PCDHA5: variants seen among roughly 807,000 people sequenced by gnomAD.
PCDHA5 encodes protocadherin alpha 5, also known as protocadherin alpha-5.
In PCDHA5, 43 loss-of-function variants were observed where a neutral mutation model predicts 61.6. The ratio of observed to expected loss-of-function variants is 0.70; its 90% confidence interval spans 0.55 to 0.90. The LOEUF is 0.90. Ranked by LOEUF, PCDHA5 falls within the 40% of genes least tolerant of loss-of-function variation. The pLI is 0.00. For synonymous variants in PCDHA5, 627 were observed against 543.9 expected, an observed-to-expected ratio of 1.15 and a Z score of -2.13; for missense variants, 1,298 against 1,222.7, an observed-to-expected ratio of 1.06 and a Z score of -0.92.
chr5:141,006,105 G>T (rs2098255059), intron 3 of PCDHA5, among the ~76,000 whole-genome samples: 1 of 143,364 alleles, frequency 7.0e-6, no homozygotes. Context: ...ATGGTAAGGA[G>T]TTTTTTTTTT....
chr5:140,957,281 T>A (rs1317654133), intron 1 of PCDHA5, among the ~76,000 whole-genome samples: 3 of 152,178 alleles, frequency 2.0e-5, no homozygotes, highest in Non-Finnish European at 2.9e-5. Flanking sequence ...CCCCCTTACC[T>A]GCAGTTTCAC....
At chr5:141,003,423 T>G (rs1278383006) in intron 3 of PCDHA5, among the ~76,000 whole-genome samples, 1 of 152,164 alleles carries the variant, frequency 6.6e-6, no homozygotes, top group Non-Finnish European at 1.5e-5. Context: ...GTGATTCTTA[T>G]GCCTCAGCCT....
chr5:140,875,573 C>A, intron 1 of PCDHA5: 1 of 1,614,112 alleles, frequency 6.2e-7, no homozygotes, highest in Non-Finnish European at 8.5e-7. Context: ...CTCCACTACT[C>A]CGTCTACGAG....
chr5:140,885,053 A>T (rs2060447405), intron 1 of PCDHA5, among the ~76,000 whole-genome samples: 1 of 152,248 alleles, frequency 6.6e-6, no homozygotes, highest in African/African-American at 2.4e-5. Flanking sequence ...ATGTATACAT[A>T]TACCCACAAG....
intron 1 of PCDHA5, chr5:140,828,014 T>C: frequency 6.6e-7 from 1 of 1,509,628 alleles, no homozygotes; most frequent in Non-Finnish European, 8.9e-7. Context: ...AGAAATGGAT[T>C]AATAAATTCC....
intron 1 of PCDHA5, chr5:140,861,171 A>G (rs2046785081): frequency 6.3e-6 from 1 of 158,188 alleles, no homozygotes; most frequent in Non-Finnish European, 1.4e-5. Flanking sequence ...TCTCAGAGGA[A>G]CTAAGTCTTT....
At chr5:140,967,710 G>A (rs868978149) in intron 1 of PCDHA5, 1 of 1,614,182 alleles carries the variant, frequency 6.2e-7, no homozygotes, top group Non-Finnish European at 8.5e-7. Flanking sequence ...GCCAGTACCG[G>A]GGAAGTGCGA....
chr5:140,850,675 C>A (rs2150493362), intron 1 of PCDHA5: 3 of 1,598,470 alleles, frequency 1.9e-6, no homozygotes, highest in Non-Finnish European at 2.6e-6. Context: ...TCGGCGATGC[C>A]CACCGAGGGC....
At chr5:140,966,454 C>T (rs897696652) in intron 1 of PCDHA5, 6 of 426,406 alleles carry the variant, frequency 1.4e-5, no homozygotes, top group Admixed American at 4.4e-5. Flanking sequence ...TCCCCCTCCC[C>T]CTCTGTCTTC....
rs2042039547 is a variant in PCDHA5 at position 140,851,365 on chromosome 5, CT to C, written c.2352+27239del. The C allele has an allele frequency of 3.1e-6, 3 of 976,302 alleles. 1 individual carries two copies. Among genetic ancestry groups the C allele is most frequent in the Non-Finnish European group, 3.7e-6 (3 of 804,962 alleles). The allele number at this position is 976,302 out of a possible 1,614,324, so 60.5% of individuals were successfully genotyped here. On this transcript the variant is annotated intron_variant, in intron 1 of 3. Transcript: ENST00000529859. Reference sequence around the variant, plus strand: ...TTCTCTGGATGGAGACTGTGAACATCTGATTGTTCAGCAACCTTCAGTATCT... The same window carrying C: ...TTCTCTGGATGGAGACTGTGAACATCGATTGTTCAGCAACCTTCAGTATCT...
At chr5:140,886,631 G>T (rs1314948402) in intron 1 of PCDHA5, among the ~76,000 whole-genome samples, 1 of 151,860 alleles carries the variant, frequency 6.6e-6, no homozygotes. Context: ...TCCGAGACCA[G>T]CCTGGCCAAC....
intron 2 of PCDHA5, among the ~76,000 whole-genome samples, chr5:140,980,460 T>G (rs1554241839): frequency 6.6e-6 from 1 of 152,134 alleles, no homozygotes; most frequent in Non-Finnish European, 1.5e-5. Flanking sequence ...TGAAACCCTG[T>G]CTCTACTAAA....
intron 1 of PCDHA5, chr5:140,852,235 C>A: frequency 1.8e-6 from 1 of 570,324 alleles, no homozygotes; most frequent in Non-Finnish European, 2.3e-6. Flanking sequence ...TAAATTTTCC[C>A]TTAAAACACA....
intron 3 of PCDHA5, among the ~76,000 whole-genome samples, chr5:141,006,206 AT>A (rs1178693799): frequency 1.4e-5 from 2 of 147,854 alleles, no homozygotes. Flanking sequence ...GTTATGCCTC[AT>A]TTTTTTTTAA....
intron 1 of PCDHA5, chr5:140,875,466 T>A (rs782683106): frequency 2.4e-5 from 39 of 1,599,908 alleles, no homozygotes; most frequent in Admixed American, 1.2e-4. Flanking sequence ...GGCCCTCATT[T>A]TCTGCAATGG....
At chr5:140,900,924 A>C (rs553059638) in intron 1 of PCDHA5, among the ~76,000 whole-genome samples, 1 of 152,216 alleles carries the variant, frequency 6.6e-6, no homozygotes, top group South Asian at 2.1e-4. Flanking sequence ...ATGATATCTC[A>C]TTGTAGTTTT....
chr5:140,998,495 C>T (rs782386986), intron 3 of PCDHA5, among the ~76,000 whole-genome samples: 17 of 152,170 alleles, frequency 1.1e-4, no homozygotes, highest in Non-Finnish European at 1.9e-4. Context: ...TCTTTGAGAA[C>T]AGGGTACTTG....
At chr5:140,867,824 G>A (rs1258393601) in intron 1 of PCDHA5, 1 of 151,982 alleles carries the variant, frequency 6.6e-6, no homozygotes, top group African/African-American at 2.4e-5. Flanking sequence ...ATTTCCACAA[G>A]CACTAAGGTA....
chr5:140,996,737 T>G (rs887382236), intron 3 of PCDHA5, among the ~76,000 whole-genome samples: 3 of 152,166 alleles, frequency 2.0e-5, no homozygotes, highest in Non-Finnish European at 2.9e-5. Context: ...ACAAAAGTCA[T>G]AACAAATTAT....
Sources: allele counts gnomAD v4.1 joint callset (sites outside exome capture counted in the v4.1 genomes callset), GRCh38; gene constraint gnomAD v4.1.1; transcripts MANE v1.5; gene names NCBI Gene and HGNC (gene_info 2026-07-23, HGNC 2026-07-21).